NPFFR2: variants seen among roughly 807,000 people sequenced by gnomAD.
The protein encoded by NPFFR2 is neuropeptide FF receptor 2, also known as G-protein coupled receptor 74.
NPFFR2 carries 15 observed loss-of-function variants against 13.1 expected under a neutral mutation model. That is an observed-to-expected ratio of 1.15 (90% CI 0.77 to 1.76). The LOEUF (loss-of-function observed/expected upper bound fraction) is 1.76. Among genes scored for constraint, NPFFR2 ranks in the 40% most tolerant of loss-of-function variants. The pLI is 0.00. For missense variants in NPFFR2, 572 were observed against 503.5 expected (o/e 1.14, Z -1.30); for synonymous variants, 190 against 175.7 (o/e 1.08, Z -0.65).
intron 3 of NPFFR2, among the ~76,000 whole-genome samples, chr4:72,141,226 A>AT (rs887377548): frequency 6.6e-6 from 1 of 151,230 alleles, no homozygotes; most frequent in African/African-American, 2.4e-5. Flanking sequence ...GGATTCATTA[A>AT]TTTTTTTAAG....
chr4:72,146,338 C>A (rs964283473), intron 3 of NPFFR2, among the ~76,000 whole-genome samples: 3 of 152,108 alleles, frequency 2.0e-5, no homozygotes, highest in African/African-American at 7.2e-5. Flanking sequence ...AAATTGAAGT[C>A]TGGATTTTAA....
chr4:72,033,136 G>A (rs1718968508), intron 1 of NPFFR2, among the ~76,000 whole-genome samples: 1 of 152,126 alleles, frequency 6.6e-6, no homozygotes, highest in African/African-American at 2.4e-5. Flanking sequence ...TTTGTAAACT[G>A]TGAAGGACAT....
chr4:72,053,928 A>G (rs922640563), intron 1 of NPFFR2, among the ~76,000 whole-genome samples: 1 of 151,888 alleles, frequency 6.6e-6, no homozygotes, highest in Non-Finnish European at 1.5e-5. Context: ...CCTTTCTCAA[A>G]TTCCCTTTTC....
At chr4:72,065,799 T>C (rs571992932) in intron 1 of NPFFR2, among the ~76,000 whole-genome samples, 49 of 152,172 alleles carry the variant, frequency 3.2e-4, no homozygotes, top group Non-Finnish European at 5.9e-4. Flanking sequence ...CCCAGGCAAA[T>C]CTGGTCCTGT....
chr4:72,054,315 C>T lies in NPFFR2; in HGVS notation c.-8+22115C>T, dbSNP rs536914351. On this transcript the variant is annotated intron_variant, in intron 1 of 3. Transcript: ENST00000308744. ...GACAAACAGAACACAATCACCAGTA[C>T]AGAAATAGACCCACACTTATGTGGC... is the stretch of plus-strand genomic sequence containing the variant. Among the ~76,000 whole-genome samples the T allele has an allele frequency of 3.3e-5, 5 of 151,910 alleles. No homozygotes were observed. The South Asian group carries it at 8.3e-4, about 25-fold the overall frequency.
Position 72,136,747 on chromosome 4 carries a change from G to A in NPFFR2, c.329-1293G>A, listed in dbSNP as rs184455226. On this transcript the variant is annotated intron_variant, in intron 2 of 3. Coordinates refer to ENST00000308744, the MANE Select transcript of NPFFR2 (RefSeq NM_004885.3). ...TCATTACCCCCGCACCTGGTGACTC[G>A]GGGTTTAGAGTACTTATGGTTCTGC... Among the ~76,000 whole-genome samples the A allele has an allele frequency of 7.2e-5, 11 of 152,194 alleles. No homozygotes were observed. In the South Asian group the frequency reaches 1.4e-3, roughly 20 times the overall value.
chr4:72,076,327 T>C (rs1451921250), intron 1 of NPFFR2, among the ~76,000 whole-genome samples: 1 of 152,114 alleles, frequency 6.6e-6, no homozygotes, highest in Non-Finnish European at 1.5e-5. Context: ...GTATTTTTGG[T>C]ATTTTGAGAA....
At chr4:72,054,936 A>C (rs1246085911) in intron 1 of NPFFR2, among the ~76,000 whole-genome samples, 1 of 151,912 alleles carries the variant, frequency 6.6e-6, no homozygotes, top group Non-Finnish European at 1.5e-5. Context: ...TATCATCCCC[A>C]AGGTAGCAAA....
intron 2 of NPFFR2, among the ~76,000 whole-genome samples, chr4:72,134,554 A>G (rs1255240361): frequency 6.6e-6 from 1 of 152,114 alleles, no homozygotes; most frequent in South Asian, 2.1e-4. Flanking sequence ...CTTATTTTAC[A>G]TATATCTTAT....
intron 1 of NPFFR2, among the ~76,000 whole-genome samples, chr4:72,124,935 AC>A (rs1721993187): frequency 6.6e-6 from 1 of 152,228 alleles, no homozygotes; most frequent in East Asian, 1.9e-4. Context: ...ATCCAATGAA[AC>A]TAAAGAGCTT....
At chr4:72,054,076 A>T (rs575574372) in intron 1 of NPFFR2, among the ~76,000 whole-genome samples, 6 of 151,948 alleles carry the variant, frequency 3.9e-5, no homozygotes, top group Non-Finnish European at 8.8e-5. Context: ...GACACTATTG[A>T]TCTCCATTCA....
intron 1 of NPFFR2, among the ~76,000 whole-genome samples, chr4:72,062,886 C>T (rs1719961715): frequency 6.6e-6 from 1 of 152,086 alleles, no homozygotes; most frequent in South Asian, 2.1e-4. Flanking sequence ...CAATGATACA[C>T]AGATGAGCCA....
At position 72,128,782 on chromosome 4, in the gene NPFFR2, C is replaced by T. The variant is rs772258262; in HGVS notation, c.191C>T (p.Thr64Ile). The change falls in exon 2 of 4, where the codon ACT (threonine) becomes ATT (isoleucine). Residue 64 changes from threonine (T) to isoleucine (I), a missense_variant. Transcript: ENST00000308744. ...LIFFLCMMGN[T>I]VVCFIVMRNK... ...TTCTTTTTGTGCATGATGGGAAATA[C>T]TGTGGTTTGCTTTATTGTAATGAGG... The T allele has an allele frequency of 8.7e-6, 14 of 1,614,086 alleles. No homozygotes were observed. In the East Asian group the frequency reaches 2.5e-4, roughly 28 times the overall value.
intron 1 of NPFFR2, among the ~76,000 whole-genome samples, chr4:72,081,080 G>A (rs1720604088): frequency 6.6e-6 from 1 of 152,190 alleles, no homozygotes; most frequent in Admixed American, 6.5e-5. Context: ...CAAGATGACT[G>A]TTTAATGACT....
intron 1 of NPFFR2, among the ~76,000 whole-genome samples, chr4:72,090,232 A>G (rs545717768): frequency 1.5e-4 from 23 of 152,264 alleles, no homozygotes; most frequent in Non-Finnish European, 2.8e-4. Context: ...ATGGCCTTAT[A>G]GCATAGTTTG....
intron 3 of NPFFR2, among the ~76,000 whole-genome samples, chr4:72,141,636 G>A (rs935544763): frequency 6.6e-6 from 1 of 152,090 alleles, no homozygotes; most frequent in Admixed American, 6.6e-5. Context: ...AGTTTGTTGT[G>A]ATTTCTGTTC....
intron 1 of NPFFR2, among the ~76,000 whole-genome samples, chr4:72,070,176 TA>T (rs1384106227): frequency 6.6e-6 from 1 of 152,184 alleles, no homozygotes; most frequent in East Asian, 1.9e-4. Context: ...ACCACTACAC[TA>T]AATTTTCTCA....
intron 1 of NPFFR2, chr4:72,039,436 TA>T: frequency 1.0e-6 from 1 of 972,326 alleles, no homozygotes; most frequent in Non-Finnish European, 1.2e-6. Context: ...AATTGGGTTC[TA>T]TTATGTTAGA....
intron 1 of NPFFR2, among the ~76,000 whole-genome samples, chr4:72,058,316 G>A (rs1719820066): frequency 6.6e-6 from 1 of 151,746 alleles, no homozygotes; most frequent in African/African-American, 2.4e-5. Flanking sequence ...GAATATTTGG[G>A]GATTCTGAAA....
Sources: allele counts gnomAD v4.1 joint callset (sites outside exome capture counted in the v4.1 genomes callset), GRCh38; gene constraint gnomAD v4.1.1; transcripts MANE v1.5; gene names NCBI Gene and HGNC (gene_info 2026-07-23, HGNC 2026-07-21).